Variants in SNN observed in about 807,000 individuals in gnomAD.
SNN encodes stannin.
In SNN, 5 loss-of-function variants were observed where a neutral mutation model predicts 5.3. The ratio of observed to expected loss-of-function variants is 0.94; its 90% CI spans 0.49 to 1.97. The LOEUF (loss-of-function observed/expected upper bound fraction) is 1.97, where lower values mean the gene tolerates loss of function less well. Ranked by LOEUF, SNN falls within the 30% of genes most tolerant of loss-of-function variation. The pLI, the probability that SNN is intolerant of heterozygous loss-of-function variation, is 0.01. For synonymous variants in SNN, 67 were observed against 52.1 expected (o/e 1.29, Z -1.24); for missense variants, 127 against 121.6 (o/e 1.04, Z -0.21).
In SNN at chr16:11,668,953, C is replaced by T. The variant is rs928776446; in HGVS notation, c.-86+413C>T. ...TAGGGGTCCAGGTGACGTCCGGCGCCCGTCTCGCGGGTAGGGAAACTGAGG... is the reference window on the plus strand; with the variant it reads ...TAGGGGTCCAGGTGACGTCCGGCGCTCGTCTCGCGGGTAGGGAAACTGAGG... On this transcript the variant is annotated intron_variant, in intron 1 of 1. Transcript: ENST00000329565. The surrounding 1 kb of genome is among the most constrained non-coding windows in gnomAD (Gnocchi z 6.8). 9.9e-5 allele frequency among the ~76,000 whole-genome samples: 15 copies of T among 152,004 alleles called. No homozygotes were observed. Among genetic ancestry groups the T allele is most frequent in the African/African-American group, 3.1e-4 (13 of 41,402 alleles).
In SNN at chr16:11,677,375, CCT is replaced by C. The variant is rs1471733686; in HGVS notation, c.*1054_*1055del. The C allele has an allele frequency of 6.0e-6, 1 of 167,246 alleles. No homozygotes were observed. The highest frequency in any genetic ancestry group is 1.5e-5 in the Non-Finnish European group (1 of 68,242). The allele number at this position is 167,246 out of a possible 1,614,324, so 10.4% of individuals were successfully genotyped here. A position where few individuals can be genotyped will look rare whatever the true frequency, so the allele number is the denominator to read the frequency against. ...CTCTTCACATCACTTGGCTTCCTTTCCTCTCTGATGACCGTCCGCCTATGGGG... is the reference window on the plus strand; with the variant it reads ...CTCTTCACATCACTTGGCTTCCTTTCCTCTGATGACCGTCCGCCTATGGGG... On this transcript the variant is annotated 3_prime_UTR_variant, in exon 2 of 2. Transcript: ENST00000329565. The surrounding 1 kb of genome is among the most constrained non-coding windows in gnomAD (Gnocchi z 4.2).
chr16:11,674,120 A>G (rs2050283332), intron 1 of SNN, among the ~76,000 whole-genome samples: 3 of 152,236 alleles, frequency 2.0e-5, no homozygotes, highest in African/African-American at 7.2e-5. Context: ...AGGACGCAGC[A>G]GGTTCGACCC....
chr16:11,679,039 G>T lies in SNN; in HGVS notation c.*2713G>T. On this transcript the variant is annotated 3_prime_UTR_variant, in exon 2 of 2. Coordinates refer to ENST00000329565, the MANE Select transcript of SNN (RefSeq NM_003498.6). This position sits in a 1 kb window ranked among gnomAD's most constrained non-coding sequence, Gnocchi z 4.6. ...CCAAGTTTGTGCAATAAGTGGAAGGGATGTCATCCTTCTTCAATAAATGCT... is the reference window on the plus strand; with the variant it reads ...CCAAGTTTGTGCAATAAGTGGAAGGTATGTCATCCTTCTTCAATAAATGCT... The T allele has an allele frequency of 1.3e-6, 1 of 781,248 alleles. No homozygotes were observed. The highest frequency in any genetic ancestry group is 2.0e-6 in the Non-Finnish European group (1 of 489,930). 48.4% of individuals were successfully genotyped at this position (781,248 alleles called of 1,614,324 possible).
rs955614030 is a variant in SNN at position 11,671,208 on chromosome 16, G to A, written c.-86+2668G>A. On this transcript the variant is annotated intron_variant, in intron 1 of 1. Coordinates refer to ENST00000329565, the MANE Select transcript of SNN (RefSeq NM_003498.6). This position sits in a 1 kb window ranked among gnomAD's most constrained non-coding sequence, Gnocchi z 4.7. ...GGATGCTGGGGCAGGGGGTTCTGGA[G>A]AGCCTGGGCCTTGGATCTTGCTTTT... is the stretch of plus-strand genomic sequence containing the variant. 6.6e-6 allele frequency among the ~76,000 whole-genome samples: 1 copy of A among 152,228 alleles called. No homozygotes were observed. The highest frequency in any genetic ancestry group is 6.5e-5 in the Admixed American group (1 of 15,290).
Position 11,677,087 on chromosome 16 carries a change from C to CG in SNN, c.*761_*762insG, listed in dbSNP as rs2050309844. On this transcript the variant is annotated 3_prime_UTR_variant, in exon 2 of 2. Transcript: ENST00000329565. The surrounding 1 kb of genome is among the most constrained non-coding windows in gnomAD (Gnocchi z 4.2). ...CGAGTCAGGGCACGCGTCCTGGAGG[C>CG]TGCCAGCGTCCTTGTAGCAGAGCAG... 1 of 167,172 alleles carries CG rather than the reference C, an allele frequency of 6.0e-6. No individual in the cohort carries two copies. 10.4% of individuals were successfully genotyped at this position (167,172 alleles called of 1,614,324 possible). A position where few individuals can be genotyped will look rare whatever the true frequency, so the allele number is the denominator to read the frequency against.
intron 1 of SNN, among the ~76,000 whole-genome samples, chr16:11,669,797 G>A (rs1751780000): frequency 6.6e-6 from 1 of 152,214 alleles, no homozygotes; most frequent in African/African-American, 2.4e-5. Flanking sequence ...CTGACCTTGG[G>A]GCAGTCCCGG....
chr16:11,668,990 C>T lies in SNN; in HGVS notation c.-86+450C>T, dbSNP rs1009620031. Among the ~76,000 whole-genome samples the T allele has an allele frequency of 4.6e-5, 7 of 152,110 alleles. No individual in the cohort carries two copies. Among genetic ancestry groups the T allele is most frequent in the Non-Finnish European group, 7.4e-5 (5 of 67,992 alleles). On this transcript the variant is annotated intron_variant, in intron 1 of 1. Coordinates refer to ENST00000329565, the MANE Select transcript of SNN (RefSeq NM_003498.6). This position sits in a 1 kb window ranked among gnomAD's most constrained non-coding sequence, Gnocchi z 6.8. ...TAGGGAAACTGAGGCCGGGCCGCAG[C>T]GTTCGGCGCCCGGTTCCGTGGGCAG...
chr16:11,675,198 A>G (rs1260043132), intron 1 of SNN, among the ~76,000 whole-genome samples: 4 of 147,460 alleles, frequency 2.7e-5, no homozygotes, highest in African/African-American at 1.0e-4. Flanking sequence ...CCTGTTCTGT[A>G]TATGATGTCT....
rs8191293 is a variant in SNN at position 11,672,761 on chromosome 16, C to T, written c.-85-3214C>T. On this transcript the variant is annotated intron_variant, in intron 1 of 1. Coordinates refer to ENST00000329565, the MANE Select transcript of SNN (RefSeq NM_003498.6). The surrounding 1 kb of genome is among the most constrained non-coding windows in gnomAD (Gnocchi z 6.0). ...CCTGGCCTGGGTTCAGGGCAGCAGA[C>T]GGGGTTTTGGGGTCACCACTCCTCT... is the stretch of plus-strand genomic sequence containing the variant. 0.019 allele frequency among the ~76,000 whole-genome samples: 2,959 copies of T among 152,034 alleles called. 46 individuals carry two copies. The highest frequency in any genetic ancestry group is 0.095 in the Middle Eastern group (28 of 294).
In SNN at chr16:11,676,021, C is replaced by G. The variant is rs1449983696; in HGVS notation, c.-39C>G. 4.5e-6 allele frequency: 7 copies of G among 1,542,612 alleles called. No individual in the cohort carries two copies. The highest frequency in any genetic ancestry group is 3.7e-5 in the South Asian group (3 of 81,082). The stretch of plus-strand genomic sequence containing the variant: ...TTCCAGCCTCACTGAGTGGCCACCC[C>G]CAAAGTGCTGCCAGCCGAGGAAGCC... On this transcript the variant is annotated 5_prime_UTR_variant, in exon 2 of 2. Transcript: ENST00000329565.
In SNN at chr16:11,676,068, T is replaced by C; in HGVS notation, c.9T>C (p.Ile3=). ...AGCCCCCAGCACTGACCATGTCTAT[T>C]ATGGACCACAGCCCCACCACGGGCG... is the stretch of plus-strand genomic sequence containing the variant. The part of the protein sequence containing the change: MS[I]MDHSPTTGVV... Residue 3 remains isoleucine, a synonymous_variant, in exon 2 of 2, where the codon ATT becomes ATC. Coordinates refer to ENST00000329565, the MANE Select transcript of SNN (RefSeq NM_003498.6). The C allele has an allele frequency of 6.2e-7, 1 of 1,604,908 alleles. No individual in the cohort carries two copies. Among genetic ancestry groups the C allele is most frequent in the Non-Finnish European group, 8.5e-7 (1 of 1,174,256 alleles).
At chr16:11,673,772 C>A (rs780388071) in intron 1 of SNN, among the ~76,000 whole-genome samples, 1 of 152,134 alleles carries the variant, frequency 6.6e-6, no homozygotes, top group Admixed American at 6.5e-5. Context: ...GCGTGGCTGG[C>A]GAGCAGGGCA....
Position 11,671,873 on chromosome 16 carries a change from C to G in SNN, c.-86+3333C>G, listed in dbSNP as rs1212404230. 6.6e-6 allele frequency among the ~76,000 whole-genome samples: 1 copy of G among 152,212 alleles called. No individual in the cohort carries two copies. The highest frequency in any genetic ancestry group is 1.5e-5 in the Non-Finnish European group (1 of 68,038). On this transcript the variant is annotated intron_variant, in intron 1 of 1. Coordinates refer to ENST00000329565, the MANE Select transcript of SNN (RefSeq NM_003498.6). The surrounding 1 kb of genome is among the most constrained non-coding windows in gnomAD (Gnocchi z 4.7). The stretch of plus-strand genomic sequence containing the variant: ...TTCCCGGGGCTCTGCTTGGCCACCC[C>G]CTTCCCTCCCTGCCTGCCAGCAAGC...
At chr16:11,674,112 G>A (rs902100727) in intron 1 of SNN, among the ~76,000 whole-genome samples, 4 of 152,218 alleles carry the variant, frequency 2.6e-5, no homozygotes, top group African/African-American at 7.2e-5. Context: ...GTTCCTCAAG[G>A]ACGCAGCAGG....
chr16:11,675,507 T>C (rs942357353), intron 1 of SNN, among the ~76,000 whole-genome samples: 6 of 152,318 alleles, frequency 3.9e-5, no homozygotes, highest in Admixed American at 2.0e-4. Flanking sequence ...GCTCAAGTGA[T>C]CTGCCGGCCT....
At chr16:11,675,357 C>A (rs1418546587) in intron 1 of SNN, among the ~76,000 whole-genome samples, 2 of 146,290 alleles carry the variant, frequency 1.4e-5, no homozygotes, top group Non-Finnish European at 3.0e-5. Context: ...AACCTCTGCC[C>A]CCCAGCTTCA....
At position 11,671,288 on chromosome 16, in the gene SNN, A is replaced by G. The variant is rs557019332; in HGVS notation, c.-86+2748A>G. Among the ~76,000 whole-genome samples, 26 of 152,184 alleles carry G rather than the reference A, an allele frequency of 1.7e-4. No homozygotes were observed. In the South Asian group the frequency reaches 5.4e-3, roughly 32 times the overall value. ...GACCCCCTTGGCAGAGGATGGCAAG[A>G]CTGAAGGCACATGGAGCAGGAGGGT... On this transcript the variant is annotated intron_variant, in intron 1 of 1. Coordinates refer to ENST00000329565, the MANE Select transcript of SNN (RefSeq NM_003498.6). The surrounding 1 kb of genome is among the most constrained non-coding windows in gnomAD (Gnocchi z 4.7).
chr16:11,671,475 C>T lies in SNN; in HGVS notation c.-86+2935C>T, dbSNP rs971041178. On this transcript the variant is annotated intron_variant, in intron 1 of 1. Coordinates refer to ENST00000329565, the MANE Select transcript of SNN (RefSeq NM_003498.6). This position sits in a 1 kb window ranked among gnomAD's most constrained non-coding sequence, Gnocchi z 4.7. ...CTGGGCTCCCCTCTGGGCTCCCATCCTGCCTTCTGGCTTTTTGCTTCACCT... is the reference window on the plus strand; with the variant it reads ...CTGGGCTCCCCTCTGGGCTCCCATCTTGCCTTCTGGCTTTTTGCTTCACCT... 6.6e-6 allele frequency among the ~76,000 whole-genome samples: 1 copy of T among 152,190 alleles called. No homozygotes were observed. Among genetic ancestry groups the T allele is most frequent in the African/African-American group, 2.4e-5 (1 of 41,444 alleles).
chr16:11,673,164 T>C (rs893588302), intron 1 of SNN, among the ~76,000 whole-genome samples: 2 of 152,038 alleles, frequency 1.3e-5, no homozygotes, highest in Non-Finnish European at 1.5e-5. Context: ...GGGACGAGTG[T>C]AGACAGGCTC....
Sources: allele counts gnomAD v4.1 joint callset (sites outside exome capture counted in the v4.1 genomes callset), GRCh38; gene constraint gnomAD v4.1.1; non-coding constraint Gnocchi (gnomAD v3.1); transcripts MANE v1.5; gene names NCBI Gene and HGNC (gene_info 2026-07-23, HGNC 2026-07-21).